CEP63: variants seen among roughly 807,000 people sequenced by gnomAD.
CEP63 encodes the protein centrosomal protein 63.
CEP63 carries 84 observed loss-of-function variants against 89.1 expected under a neutral mutation model. That is an observed-to-expected ratio of 0.94 (90% CI 0.79 to 1.13). The LOEUF is 1.13. Among genes scored for constraint, CEP63 ranks in the 50% most tolerant of loss-of-function variants. The probability of loss-of-function intolerance (pLI) is 0.00; values close to 1 mark genes in which losing one functional copy is unlikely to be tolerated. For missense variants in CEP63, 838 were observed against 813.3 expected, an observed-to-expected ratio of 1.03 and a Z score of -0.37; for synonymous variants, 267 against 272.5, an observed-to-expected ratio of 0.98 and a Z score of 0.20.
the CEP63 span, among the ~76,000 whole-genome samples, chr3:134,740,828 G>A: frequency 5.9e-5 from 9 of 152,328 alleles, no homozygotes; most frequent in African/African-American, 2.2e-4. Context: ...CCAGGGAAGA[G>A]GTTCAAATGA....
At chr3:134,569,744 C>G (rs893264808), downstream of CEP63, among the ~76,000 whole-genome samples, 8 of 152,214 alleles carry the variant, frequency 5.3e-5, no homozygotes, top group African/African-American at 1.9e-4. Context: ...CAGGCACTAC[C>G]CTAGTGGGGA....
chr3:134,720,565 G>C, the CEP63 span, among the ~76,000 whole-genome samples: 1 of 152,062 alleles, frequency 6.6e-6, no homozygotes, highest in Non-Finnish European at 1.5e-5. Flanking sequence ...ATTCACCACT[G>C]TGTTTTCCTC....
chr3:134,540,904 C>A (rs1007526532), intron 6 of CEP63, among the ~76,000 whole-genome samples: 1 of 151,854 alleles, frequency 6.6e-6, no homozygotes, highest in African/African-American at 2.4e-5. Context: ...GCCTCAGCCT[C>A]CTGAGTAGCT....
Position 134,535,500 on chromosome 3 carries a change from C to CTTTTTTT in CEP63, c.442-1650_442-1644dup. ...GTCATGTCATTGGACCTTTCCTTTC[C>CTTTTTTT]TTTTTTTTTTTCCTATCTACGCTCA... On this transcript the variant is annotated intron_variant, in intron 5 of 14. Coordinates refer to ENST00000675561, the MANE Select transcript of CEP63 (RefSeq NM_001353108.3). 2 of 143,288 alleles carry CTTTTTTT rather than the reference C, an allele frequency of 1.4e-5. 1 individual carries two copies. The highest frequency in any genetic ancestry group is 3.0e-5 in the Non-Finnish European group (2 of 66,762). The allele number at this position is 143,288 out of a possible 1,614,324, so 8.9% of individuals were successfully genotyped here. A position where few individuals can be genotyped will look rare whatever the true frequency, so the allele number is the denominator to read the frequency against.
At chr3:134,553,883 A>G (rs1450048999) in intron 12 of CEP63, among the ~76,000 whole-genome samples, 2 of 152,060 alleles carry the variant, frequency 1.3e-5, no homozygotes, top group African/African-American at 4.8e-5. Context: ...TGTGCATAAA[A>G]TGGTCATTGA....
At chr3:134,502,641 G>T (rs1437478422) in intron 2 of CEP63, among the ~76,000 whole-genome samples, 1 of 151,998 alleles carries the variant, frequency 6.6e-6, no homozygotes, top group Admixed American at 6.6e-5. Context: ...AGGATCTTTT[G>T]TACTTCTATG....
At chr3:134,675,019 A>T in the CEP63 span, among the ~76,000 whole-genome samples, 2 of 152,218 alleles carry the variant, frequency 1.3e-5, no homozygotes, top group Admixed American at 1.3e-4. Flanking sequence ...GCTGCCTTTT[A>T]TTGTAGAAAC....
At chr3:134,678,898 A>G in the CEP63 span, among the ~76,000 whole-genome samples, 1 of 152,308 alleles carries the variant, frequency 6.6e-6, no homozygotes, top group South Asian at 2.1e-4. Flanking sequence ...GCTTGCTGGC[A>G]CAGTGCAAAT....
At chr3:134,635,690 C>T in the CEP63 span, among the ~76,000 whole-genome samples, 5 of 151,882 alleles carry the variant, frequency 3.3e-5, no homozygotes, top group Admixed American at 2.6e-4. Context: ...CATGTGTTAG[C>T]AATCAGAACT....
chr3:134,698,090 AC>A, the CEP63 span, among the ~76,000 whole-genome samples: 189 of 152,246 alleles, frequency 1.2e-3, no homozygotes, highest in Admixed American at 2.4e-3. Context: ...ATGGGCAGAT[AC>A]CCCGCCAACC....
the CEP63 span, among the ~76,000 whole-genome samples, chr3:134,734,551 G>A: frequency 6.6e-6 from 1 of 152,128 alleles, no homozygotes; most frequent in Non-Finnish European, 1.5e-5. Context: ...AGACTCTGCA[G>A]ATATTTAAAA....
the CEP63 span, among the ~76,000 whole-genome samples, chr3:134,602,151 C>T: frequency 6.6e-6 from 1 of 152,114 alleles, no homozygotes; most frequent in Non-Finnish European, 1.5e-5. Flanking sequence ...ACTGAGACAG[C>T]CAGGGGCCAC....
downstream of CEP63, among the ~76,000 whole-genome samples, chr3:134,567,158 A>G (rs1957803442): frequency 6.6e-6 from 1 of 151,674 alleles, no homozygotes; most frequent in African/African-American, 2.4e-5. Context: ...AAAGCAAAAA[A>G]AAAAAAAATC....
intron 3 of CEP63, among the ~76,000 whole-genome samples, chr3:134,516,295 C>T (rs1946199325): frequency 6.6e-6 from 1 of 152,216 alleles, no homozygotes; most frequent in Non-Finnish European, 1.5e-5. Flanking sequence ...AGTGTTGCTG[C>T]CTGCATGTCC....
At chr3:134,615,703 ACAC>A in the CEP63 span, among the ~76,000 whole-genome samples, 4 of 152,132 alleles carry the variant, frequency 2.6e-5, no homozygotes, top group South Asian at 8.3e-4. Flanking sequence ...GAGGCCTTAT[ACAC>A]CAGCATCAGA....
chr3:134,538,930 T>G (rs758096647), intron 6 of CEP63, among the ~76,000 whole-genome samples: 1 of 152,196 alleles, frequency 6.6e-6, no homozygotes, highest in Non-Finnish European at 1.5e-5. Context: ...TTTTACTTAC[T>G]GTAATTCAGC....
At chr3:134,547,300 A>G (rs1302802422) in intron 8 of CEP63, 35 bp from the exon 9 acceptor site, 2 of 1,600,224 alleles carry the variant, frequency 1.2e-6, no homozygotes, top group South Asian at 1.1e-5. Context: ...TTGCAGAGAT[A>G]AAGGCGTTAA....
At chr3:134,611,359 C>T in the CEP63 span, among the ~76,000 whole-genome samples, 1 of 152,160 alleles carries the variant, frequency 6.6e-6, no homozygotes, top group African/African-American at 2.4e-5. Context: ...CAGTCCAAGG[C>T]CAAAGCAAGA....
intron 10 of CEP63, among the ~76,000 whole-genome samples, chr3:134,580,477 CACAG>C (rs1266391993): frequency 2.1e-5 from 3 of 141,084 alleles, no homozygotes; most frequent in Non-Finnish European, 4.7e-5. Flanking sequence ...AAAACAAACA[CACAG>C]ACAAACAGAA....
Sources: gnomAD v4.1 joint callset for allele counts (sites outside exome capture counted in the v4.1 genomes callset) on GRCh38, gnomAD v4.1.1 for gene constraint, MANE v1.5 for transcripts, NCBI Gene and HGNC (gene_info 2026-07-23, HGNC 2026-07-21) for gene names.